SLIT3: variants seen among roughly 807,000 people sequenced by gnomAD.
The protein encoded by SLIT3 is slit homolog 3 protein.
Under a neutral mutation model 184.0 loss-of-function variants are expected in SLIT3, and 68 were observed. That is an observed-to-expected ratio of 0.37 (90% CI 0.30 to 0.45). SLIT3 has a LOEUF of 0.45. Ranked by LOEUF, SLIT3 falls within the 20% of genes least tolerant of loss-of-function variation. SLIT3 has a pLI of 1.00. For synonymous variants in SLIT3, 831 were observed against 828.6 expected, an observed-to-expected ratio of 1.00 and a Z score of -0.05; for missense variants, 1,707 against 2,026.0, an observed-to-expected ratio of 0.84 and a Z score of 3.02.
intron 4 of SLIT3, among the ~76,000 whole-genome samples, chr5:168,885,867 G>A (rs1405240335): frequency 6.6e-6 from 1 of 152,186 alleles, no homozygotes; most frequent in African/African-American, 2.4e-5. Flanking sequence ...GTTCTGATTT[G>A]CAATACGGTG....
intron 4 of SLIT3, among the ~76,000 whole-genome samples, chr5:168,909,171 A>AC (rs1282827571): frequency 1.3e-5 from 2 of 152,162 alleles, no homozygotes; most frequent in African/African-American, 4.8e-5. Context: ...AGCAAGGGCT[A>AC]CCCCCGAGCT....
chr5:169,300,587 G>C lies in SLIT3; in HGVS notation c.123C>G (p.Ser41=). 6.6e-7 allele frequency: 1 copy of C among 1,513,652 alleles called. No individual in the cohort carries two copies. Among genetic ancestry groups the C allele is most frequent in the Non-Finnish European group, 8.8e-7 (1 of 1,135,072 alleles). The allele number at this position is 1,513,652 out of a possible 1,614,324, so 93.8% of individuals were successfully genotyped here. A position where few individuals can be genotyped will look rare whatever the true frequency, so the allele number is the denominator to read the frequency against. The stretch of plus-strand genomic sequence containing the variant: ...GCCCGTGGCAGTCCACGCTGGCAGC[G>C]GAGCAGGTACACTTGGTGGGGCAGG... ...AVACPTKCTC[S]AASVDCHGLG... The change falls in exon 1 of 36, where the codon TCC becomes TCG. Residue 41 remains serine (S), a synonymous_variant. Coordinates refer to ENST00000519560, the MANE Select transcript of SLIT3 (RefSeq NM_003062.4). The surrounding 1 kb of genome is among the most constrained non-coding windows in gnomAD (Gnocchi z 4.1).
chr5:169,074,432 T>C (rs901152522), intron 4 of SLIT3, among the ~76,000 whole-genome samples: 4 of 152,270 alleles, frequency 2.6e-5, no homozygotes, highest in East Asian at 3.9e-4. Flanking sequence ...GTAATAATAA[T>C]GATGATGATA....
intron 3 of SLIT3, among the ~76,000 whole-genome samples, chr5:169,221,412 A>G (rs754512418): frequency 1.4e-4 from 22 of 152,182 alleles, no homozygotes; most frequent in Non-Finnish European, 1.8e-4. Flanking sequence ...GACATGATGT[A>G]TCAGTGTTGA....
At chr5:169,278,720 G>A (rs2113643093) in intron 1 of SLIT3, among the ~76,000 whole-genome samples, 1 of 152,222 alleles carries the variant, frequency 6.6e-6, no homozygotes, top group Non-Finnish European at 1.5e-5. Flanking sequence ...CAGAGCCAAG[G>A]TTTGAGACAA....
chr5:168,693,711 C>G (rs1761974214), intron 28 of SLIT3, among the ~76,000 whole-genome samples: 1 of 152,132 alleles, frequency 6.6e-6, no homozygotes, highest in African/African-American at 2.4e-5. Flanking sequence ...AGGGTATAGG[C>G]AGGTAGGTCC....
intron 4 of SLIT3, among the ~76,000 whole-genome samples, chr5:169,113,525 T>A (rs1253652312): frequency 6.6e-6 from 1 of 152,198 alleles, no homozygotes; most frequent in East Asian, 1.9e-4. Context: ...GCTGTACAAA[T>A]GATGAATATG....
At chr5:168,871,003 A>G (rs985262757) in intron 5 of SLIT3, among the ~76,000 whole-genome samples, 3 of 152,212 alleles carry the variant, frequency 2.0e-5, no homozygotes, top group Non-Finnish European at 2.9e-5. Context: ...GTCTTAACAT[A>G]ACACGAATTT....
intron 4 of SLIT3, among the ~76,000 whole-genome samples, chr5:168,907,797 T>G (rs888180304): frequency 6.6e-6 from 1 of 151,392 alleles, no homozygotes; most frequent in Non-Finnish European, 1.5e-5. Context: ...TACATACACA[T>G]GTATGTGTGT....
chr5:168,768,118 C>T (rs373891042), intron 14 of SLIT3: 55 of 475,048 alleles, frequency 1.2e-4, no homozygotes, highest in African/African-American at 4.1e-4. Flanking sequence ...AGGTGTCCAG[C>T]GGTGGTGGCG....
chr5:169,135,351 A>C (rs1240096977), intron 4 of SLIT3, among the ~76,000 whole-genome samples: 3 of 152,140 alleles, frequency 2.0e-5, no homozygotes, highest in Non-Finnish European at 1.5e-5. Context: ...CCCTCAGGTG[A>C]TCTGCCTGCC....
chr5:169,035,342 G>A (rs1192872261), intron 4 of SLIT3, among the ~76,000 whole-genome samples: 2 of 151,840 alleles, frequency 1.3e-5, no homozygotes, highest in Non-Finnish European at 2.9e-5. Context: ...ATTCTTCCAA[G>A]TGCTTTATAA....
intron 4 of SLIT3, among the ~76,000 whole-genome samples, chr5:169,035,645 T>C (rs1327872108): frequency 9.8e-6 from 1 of 101,656 alleles, no homozygotes; most frequent in African/African-American, 4.6e-5. Context: ...AGACTGCATC[T>C]GGAAAAAAAA....
At position 168,726,986 on chromosome 5, in the gene SLIT3, G is replaced by C. The variant is rs531565010; in HGVS notation, c.2271-2502C>G. Among the ~76,000 whole-genome samples, 354 of 151,114 alleles carry C rather than the reference G, an allele frequency of 2.3e-3. 2 individuals carry two copies. Among genetic ancestry groups the C allele is most frequent in the African/African-American group, 8.1e-3 (332 of 41,108 alleles). On this transcript the variant is annotated intron_variant, in intron 20 of 35. Coordinates refer to ENST00000519560, the MANE Select transcript of SLIT3 (RefSeq NM_003062.4). ...AGATTGCACTACTACACTCCAGCCT[G>C]GGCGACAAAGCAAGACTGTGTCTCA...
At chr5:169,116,520 C>T (rs186611625) in intron 4 of SLIT3, among the ~76,000 whole-genome samples, 2 of 152,212 alleles carry the variant, frequency 1.3e-5, no homozygotes, top group African/African-American at 4.8e-5. Flanking sequence ...ACCCAGAAAC[C>T]CAAAGACATT....
chr5:169,257,625 C>A (rs1276279673), intron 1 of SLIT3, among the ~76,000 whole-genome samples: 1 of 138,588 alleles, frequency 7.2e-6, no homozygotes, highest in Non-Finnish European at 1.5e-5. Context: ...TGGCTCACTG[C>A]AACCTCCGCT....
chr5:168,912,610 C>G (rs1761286100), intron 4 of SLIT3, among the ~76,000 whole-genome samples: 2 of 152,192 alleles, frequency 1.3e-5, no homozygotes, highest in South Asian at 4.1e-4. Flanking sequence ...CCCCTACATA[C>G]TTACATAGAG....
At chr5:169,107,017 C>T (rs894312195) in intron 4 of SLIT3, among the ~76,000 whole-genome samples, 1 of 152,218 alleles carries the variant, frequency 6.6e-6, no homozygotes, top group Admixed American at 6.5e-5. Flanking sequence ...CCTGGCAGCC[C>T]CTAATCCAAG....
chr5:169,281,795 A>G (rs985396029), intron 1 of SLIT3, among the ~76,000 whole-genome samples: 1 of 152,240 alleles, frequency 6.6e-6, no homozygotes, highest in African/African-American at 2.4e-5. Context: ...CACTGTGTGC[A>G]CACAATTATG....
Sources: gnomAD v4.1 joint callset for allele counts (sites outside exome capture counted in the v4.1 genomes callset) on GRCh38, gnomAD v4.1.1 for gene constraint, Gnocchi (gnomAD v3.1) non-coding constraint, MANE v1.5 for transcripts, NCBI Gene and HGNC (gene_info 2026-07-23, HGNC 2026-07-21) for gene names.